MTNR1A: variants seen among roughly 807,000 people sequenced by gnomAD.
The protein encoded by MTNR1A is melatonin receptor 1A.
A neutral mutation model predicts 5.5 loss-of-function variants in MTNR1A; 7 were observed. The ratio of observed to expected loss-of-function variants is 1.28; its 90% CI spans 0.73 to 2.40. The LOEUF (loss-of-function observed/expected upper bound fraction) is 2.40, where lower values mean the gene tolerates loss of function less well. Among genes scored for constraint, MTNR1A ranks in the 30% most tolerant of loss-of-function variants. The probability of loss-of-function intolerance (pLI) is 0.00; values close to 1 mark genes in which losing one functional copy is unlikely to be tolerated. For missense variants in MTNR1A, 441 were observed against 464.4 expected, an observed-to-expected ratio of 0.95 and a Z score of 0.46; for synonymous variants, 196 against 202.7, an observed-to-expected ratio of 0.97 and a Z score of 0.28.
At chr4:186,538,749 C>A (rs1229376029) in intron 1 of MTNR1A, among the ~76,000 whole-genome samples, 1 of 152,192 alleles carries the variant, frequency 6.6e-6, no homozygotes, top group Admixed American at 6.5e-5. Context: ...CAGACTGATA[C>A]AGAATTTGGT....
chr4:186,546,257 G>A (rs1160738302), intron 1 of MTNR1A, among the ~76,000 whole-genome samples: 1 of 151,912 alleles, frequency 6.6e-6, no homozygotes, highest in Non-Finnish European at 1.5e-5. Flanking sequence ...ACACAGTCCT[G>A]GCTAGGGAGG....
At chr4:186,550,198 G>C (rs898622950) in intron 1 of MTNR1A, among the ~76,000 whole-genome samples, 1 of 152,178 alleles carries the variant, frequency 6.6e-6, no homozygotes, top group African/African-American at 2.4e-5. Context: ...TTATTTGAGA[G>C]GGGCAGAAGT....
chr4:186,534,708 G>A, intron 1 of MTNR1A, 151 bp from the exon 2 acceptor site: 1 of 790,484 alleles, frequency 1.3e-6, no homozygotes, highest in Non-Finnish European at 1.9e-6. Context: ...CCGTTTCCCA[G>A]GAGGGCCAGT....
At position 186,534,080 on chromosome 4, in the gene MTNR1A, AC is replaced by A. The variant is rs1736776507; in HGVS notation, c.661del (p.Val221Ter). 1.9e-6 allele frequency: 3 copies of A among 1,613,988 alleles called. No homozygotes were observed. Among genetic ancestry groups the A allele is most frequent in the Non-Finnish European group, 2.5e-6 (3 of 1,180,044 alleles). ...WILVLQVRQRVKPDRKPKLKP... is the reference protein window; with the variant it reads ...WILVLQVRQRXKPDRKPKLKP... ...CAGTTTGGGTTTGCGGTCAGGTTTC[AC>A]CCTCTGTCTGACCTGGAGAACCAGG... On this transcript the variant is annotated frameshift_variant, in exon 2 of 2. Coordinates refer to ENST00000307161, the MANE Select transcript of MTNR1A (RefSeq NM_005958.4). LOFTEE classifies it low-confidence loss of function (END_TRUNC).
At chr4:186,538,326 C>T (rs1187457322) in intron 1 of MTNR1A, among the ~76,000 whole-genome samples, 1 of 152,198 alleles carries the variant, frequency 6.6e-6, no homozygotes, top group Non-Finnish European at 1.5e-5. Flanking sequence ...TTGCACCGCT[C>T]CGGGTTAGTG....
chr4:186,541,189 T>C lies in MTNR1A; in HGVS notation c.185-6632A>G, dbSNP rs541345692. On this transcript the variant is annotated intron_variant, in intron 1 of 1. Coordinates refer to ENST00000307161, the MANE Select transcript of MTNR1A (RefSeq NM_005958.4). ...ATGGCTTTTCATGACCTACTGACACTACCTGAAATTGGATGGTTGCAGCAC... is the reference window on the plus strand; with the variant it reads ...ATGGCTTTTCATGACCTACTGACACCACCTGAAATTGGATGGTTGCAGCAC... 3.3e-5 allele frequency among the ~76,000 whole-genome samples: 5 copies of C among 152,290 alleles called. No individual in the cohort carries two copies. In the East Asian group the frequency reaches 9.7e-4, roughly 29 times the overall value.
chr4:186,535,968 T>C (rs1219038879), intron 1 of MTNR1A, among the ~76,000 whole-genome samples: 3 of 152,132 alleles, frequency 2.0e-5, no homozygotes, highest in East Asian at 3.9e-4. Flanking sequence ...TAAATTATAA[T>C]AAATTCAATT....
At position 186,544,169 on chromosome 4, in the gene MTNR1A, C is replaced by T. The variant is rs557835346; in HGVS notation, c.185-9612G>A. On this transcript the variant is annotated intron_variant, in intron 1 of 1. Transcript: ENST00000307161. ...CTGAGTAGCTGGGACTACAGGTGCA[C>T]GCCACCATGCCCAGCTAATTTTTGT... Among the ~76,000 whole-genome samples the T allele has an allele frequency of 3.0e-4, 46 of 152,188 alleles. No individual in the cohort carries two copies. In the South Asian group the frequency reaches 7.3e-3, roughly 24 times the overall value.
At chr4:186,549,274 G>C (rs1461730834) in intron 1 of MTNR1A, among the ~76,000 whole-genome samples, 1 of 152,116 alleles carries the variant, frequency 6.6e-6, no homozygotes, top group African/African-American at 2.4e-5. Flanking sequence ...ACTAATTACT[G>C]ATTACACATT....
Position 186,538,958 on chromosome 4 carries a change from G to A in MTNR1A, c.185-4401C>T, listed in dbSNP as rs555336413. Reference sequence around the variant, plus strand: ...ACCTGGGCTGGGTGTGGCAGCTCACGCCTGTAATCCCAGCACTTTGGGAGG... The same window carrying A: ...ACCTGGGCTGGGTGTGGCAGCTCACACCTGTAATCCCAGCACTTTGGGAGG... On this transcript the variant is annotated intron_variant, in intron 1 of 1. Coordinates refer to ENST00000307161, the MANE Select transcript of MTNR1A (RefSeq NM_005958.4). 2.3e-4 allele frequency among the ~76,000 whole-genome samples: 35 copies of A among 152,232 alleles called. 1 individual carries two copies. In the South Asian group the frequency reaches 5.0e-3, roughly 22 times the overall value.
intron 1 of MTNR1A, among the ~76,000 whole-genome samples, chr4:186,536,728 A>G (rs1385287645): frequency 2.6e-5 from 4 of 152,230 alleles, no homozygotes; most frequent in Non-Finnish European, 5.9e-5. Flanking sequence ...ATTTCAGATA[A>G]ATTGTCATAA....
At chr4:186,550,563 A>T (rs1049868335) in intron 1 of MTNR1A, among the ~76,000 whole-genome samples, 2 of 152,214 alleles carry the variant, frequency 1.3e-5, no homozygotes, top group African/African-American at 4.8e-5. Context: ...GATAGTTTTC[A>T]GTGTAGATGC....
chr4:186,537,513 T>C (rs1266235087), intron 1 of MTNR1A, among the ~76,000 whole-genome samples: 1 of 152,258 alleles, frequency 6.6e-6, no homozygotes, highest in Admixed American at 6.5e-5. Flanking sequence ...TAAGAATTTC[T>C]TCTCTGTTGA....
chr4:186,548,761 C>G (rs1241832910), intron 1 of MTNR1A, among the ~76,000 whole-genome samples: 1 of 140,934 alleles, frequency 7.1e-6, no homozygotes, highest in African/African-American at 2.6e-5. Flanking sequence ...AAAAAAATGA[C>G]CTATAATAGC....
At chr4:186,547,832 T>C (rs541430810) in intron 1 of MTNR1A, among the ~76,000 whole-genome samples, 61 of 152,192 alleles carry the variant, frequency 4.0e-4, no homozygotes, top group Non-Finnish European at 7.6e-4. Flanking sequence ...TACACATTCC[T>C]GCTTGTTCCC....
intron 1 of MTNR1A, among the ~76,000 whole-genome samples, chr4:186,538,651 C>T (rs984345053): frequency 1.3e-5 from 2 of 152,198 alleles, no homozygotes; most frequent in Non-Finnish European, 2.9e-5. Context: ...GACAGCAGCA[C>T]CAGACACAGA....
At chr4:186,539,826 A>G (rs746011740) in intron 1 of MTNR1A, among the ~76,000 whole-genome samples, 39 of 152,190 alleles carry the variant, frequency 2.6e-4, no homozygotes, top group Non-Finnish European at 4.4e-4. Flanking sequence ...TAAGACACCA[A>G]TGGGGCTTGA....
In MTNR1A at chr4:186,555,317, G is replaced by T; in HGVS notation, c.49C>A (p.Arg17Ser). 6.5e-7 allele frequency: 1 copy of T among 1,546,720 alleles called. No homozygotes were observed. The change falls in exon 1 of 2, where the codon CGC becomes AGC. Residue 17 changes from arginine (R) to serine (S), a missense_variant. By Grantham distance (110) the Arg-to-Ser change is moderately radical. Transcript: ENST00000307161. This position sits in a 1 kb window ranked among gnomAD's most constrained non-coding sequence, Gnocchi z 4.1. ...CACGAGGGCCGCGCGCCGTCCCCGC[G>T]GAGCACGGGCTGGGAGGCGTTGGGC... Reference protein sequence around the residue: ...ALPNASQPVLRGDGARPSWLA... With the variant: ...ALPNASQPVLSGDGARPSWLA...
Position 186,537,765 on chromosome 4 carries a change from T to C in MTNR1A, c.185-3208A>G, listed in dbSNP as rs373552347. Among the ~76,000 whole-genome samples, 3 of 152,390 alleles carry C rather than the reference T, an allele frequency of 2.0e-5. No homozygotes were observed. In the East Asian group the frequency reaches 5.8e-4, roughly 29 times the overall value. The stretch of plus-strand genomic sequence containing the variant: ...GAGAAAGCTCCTGTGCTCCTACAGA[T>C]ACGAGACTCAGAAACTGGGCCCTGT... On this transcript the variant is annotated intron_variant, in intron 1 of 1. Coordinates refer to ENST00000307161, the MANE Select transcript of MTNR1A (RefSeq NM_005958.4).
Sources: gnomAD v4.1 joint callset for allele counts (sites outside exome capture counted in the v4.1 genomes callset) on GRCh38, gnomAD v4.1.1 for gene constraint, Gnocchi (gnomAD v3.1) non-coding constraint, MANE v1.5 for transcripts, NCBI Gene and HGNC (gene_info 2026-07-23, HGNC 2026-07-21) for gene names.